The following CACNA2D3 variants were observed in gnomAD, a reference collection of about 807,000 sequenced individuals.
CACNA2D3 encodes the protein voltage-dependent calcium channel subunit alpha-2/delta-3.
Under a neutral mutation model 160.6 loss-of-function variants are expected in CACNA2D3, and 60 were observed. The ratio of observed to expected loss-of-function variants is 0.37; its 90% CI spans 0.30 to 0.46. The LOEUF (loss-of-function observed/expected upper bound fraction) is 0.46. CACNA2D3 is among the 20% of genes least tolerant of loss of function. CACNA2D3 has a pLI of 1.00. For synonymous variants in CACNA2D3, 558 were observed against 492.9 expected (o/e 1.13, Z -1.75); for missense variants, 1,205 against 1,365.0 (o/e 0.88, Z 1.85).
intron 4 of CACNA2D3, among the ~76,000 whole-genome samples, chr3:54,400,724 T>G (rs1328430076): frequency 6.6e-6 from 1 of 152,070 alleles, no homozygotes; most frequent in Admixed American, 6.5e-5. Context: ...ATTGGCACAG[T>G]AAGACCCATC....
intron 4 of CACNA2D3, among the ~76,000 whole-genome samples, chr3:54,414,010 TAAG>T (rs1699714953): frequency 2.0e-5 from 3 of 151,900 alleles, no homozygotes; most frequent in African/African-American, 7.2e-5. Flanking sequence ...CATTTACTTA[TAAG>T]ATTCATCCAT....
chr3:54,575,076 T>C (rs1160444779), intron 8 of CACNA2D3, among the ~76,000 whole-genome samples: 1 of 152,240 alleles, frequency 6.6e-6, no homozygotes, highest in Non-Finnish European at 1.5e-5. Flanking sequence ...TGTTTCAAAT[T>C]ACATAAGATG....
At chr3:54,340,949 G>A (rs148493360) in intron 3 of CACNA2D3, among the ~76,000 whole-genome samples, 1 of 152,270 alleles carries the variant, frequency 6.6e-6, no homozygotes, top group East Asian at 1.9e-4. Flanking sequence ...GATCTCGTCT[G>A]TTTCCATTTT....
At chr3:54,495,639 C>T (rs534826171) in intron 4 of CACNA2D3, among the ~76,000 whole-genome samples, 3 of 152,252 alleles carry the variant, frequency 2.0e-5, no homozygotes, top group Non-Finnish European at 4.4e-5. Context: ...ATCCCAGCCA[C>T]TTGGGAGGCT....
At chr3:54,298,944 TA>T (rs59100168) in intron 2 of CACNA2D3, among the ~76,000 whole-genome samples, 15,342 of 93,874 alleles carry the variant, frequency 0.16, 1,391 homozygotes, top group African/African-American at 0.19. Flanking sequence ...CTCTGTTTCT[TA>T]AAAAAAAAAA....
chr3:54,561,175 C>T (rs1486761468), intron 5 of CACNA2D3, among the ~76,000 whole-genome samples: 1 of 152,176 alleles, frequency 6.6e-6, no homozygotes, highest in Admixed American at 6.5e-5. Context: ...GCAGTATGAC[C>T]ATTTTAACAA....
chr3:54,275,864 G>A (rs1003638861), intron 2 of CACNA2D3, among the ~76,000 whole-genome samples: 12 of 148,220 alleles, frequency 8.1e-5, no homozygotes, highest in Non-Finnish European at 3.0e-5. Flanking sequence ...GTGATCTGCC[G>A]TGATCTGCCT....
At position 55,074,537 on chromosome 3, in the gene CACNA2D3, T is replaced by G. The variant is rs988851130; in HGVS notation, c.*331T>G. 4.8e-6 allele frequency: 1 copy of G among 208,018 alleles called. No individual in the cohort carries two copies. The highest frequency in any genetic ancestry group is 9.7e-6 in the Non-Finnish European group (1 of 103,568). The allele number at this position is 208,018 out of a possible 1,614,324, so 12.9% of individuals were successfully genotyped here. A position where few individuals can be genotyped will look rare whatever the true frequency, so the allele number is the denominator to read the frequency against. ...AATTTAAAACTGTGTACTTTTTAAA[T>G]AAAGTATATTAAAATCATAATCTCC... On this transcript the variant is annotated 3_prime_UTR_variant, in exon 38 of 38. Transcript: ENST00000474759.
At position 54,887,978 on chromosome 3, in the gene CACNA2D3, A is replaced by G. The variant is rs1202926592; in HGVS notation, c.2076A>G (p.Gln692=). 1 of 1,613,848 alleles carries G rather than the reference A, an allele frequency of 6.2e-7. No individual in the cohort carries two copies. Among genetic ancestry groups the G allele is most frequent in the African/African-American group, 1.3e-5 (1 of 74,918 alleles). Residue 692 remains glutamine, a synonymous_variant, in exon 24 of 38, where the codon CAA becomes CAG. Coordinates refer to ENST00000474759, the MANE Select transcript of CACNA2D3 (RefSeq NM_018398.3). ...CAACAGGTGATAAAGAATTGATCCAAGAAGTCCTTTTTGACGCGGTGGTGA... is the reference window on the plus strand; with the variant it reads ...CAACAGGTGATAAAGAATTGATCCAGGAAGTCCTTTTTGACGCGGTGGTGA... ...PLLQCDKELI[Q]EVLFDAVVSA... is the part of the protein sequence containing the mutation.
intron 2 of CACNA2D3, among the ~76,000 whole-genome samples, chr3:54,237,457 C>G (rs1367032734): frequency 6.6e-6 from 1 of 152,124 alleles, no homozygotes; most frequent in Non-Finnish European, 1.5e-5. Flanking sequence ...TCCTGCTAAG[C>G]TAAGTATCCA....
intron 13 of CACNA2D3, among the ~76,000 whole-genome samples, chr3:54,786,838 TA>T (rs1702651250): frequency 6.6e-6 from 1 of 152,202 alleles, no homozygotes; most frequent in African/African-American, 2.4e-5. Flanking sequence ...GCCTGCATCT[TA>T]CATATCTTTG....
intron 2 of CACNA2D3, among the ~76,000 whole-genome samples, chr3:54,288,541 A>G (rs1703095405): frequency 1.3e-5 from 2 of 152,312 alleles, no homozygotes; most frequent in Non-Finnish European, 2.9e-5. Flanking sequence ...CAATCAATAG[A>G]AAAAGAGGGA....
At chr3:54,682,554 T>C (rs1033637981) in intron 11 of CACNA2D3, among the ~76,000 whole-genome samples, 1 of 152,056 alleles carries the variant, frequency 6.6e-6, no homozygotes, top group African/African-American at 2.4e-5. Flanking sequence ...TGAGCTGCAG[T>C]GAGCTGAGAT....
chr3:54,836,336 A>C (rs1047188876), intron 14 of CACNA2D3, among the ~76,000 whole-genome samples: 6 of 149,212 alleles, frequency 4.0e-5, no homozygotes, highest in Non-Finnish European at 5.9e-5. Context: ...CCGGGTTCAC[A>C]CCATTCTCCT....
At chr3:54,835,909 T>C (rs376609804) in intron 14 of CACNA2D3, among the ~76,000 whole-genome samples, 6 of 152,318 alleles carry the variant, frequency 3.9e-5, no homozygotes, top group African/African-American at 1.4e-4. Context: ...GCTGGGCAGT[T>C]TTCTGTTTTG....
intron 2 of CACNA2D3, among the ~76,000 whole-genome samples, chr3:54,149,685 C>T (rs544233593): frequency 5.9e-5 from 9 of 152,158 alleles, no homozygotes; most frequent in South Asian, 2.1e-4. Context: ...GAACACATGA[C>T]GAGGAGCAGC....
intron 2 of CACNA2D3, among the ~76,000 whole-genome samples, chr3:54,132,277 A>G (rs1258184849): frequency 2.0e-5 from 3 of 152,262 alleles, no homozygotes; most frequent in Admixed American, 1.3e-4. Flanking sequence ...TGCTTTTATA[A>G]TACGAAATTC....
intron 27 of CACNA2D3, among the ~76,000 whole-genome samples, chr3:54,912,110 G>A (rs866130833): frequency 2.6e-5 from 4 of 152,128 alleles, no homozygotes; most frequent in Admixed American, 6.6e-5. Flanking sequence ...CTTGTGGTTT[G>A]TTGGCCAGAG....
intron 27 of CACNA2D3, among the ~76,000 whole-genome samples, chr3:54,916,564 A>G (rs1246838956): frequency 1.3e-5 from 2 of 152,206 alleles, no homozygotes; most frequent in Non-Finnish European, 2.9e-5. Context: ...TCATCTAGCA[A>G]AATTGCTGCT....
Sources: allele counts gnomAD v4.1 joint callset (sites outside exome capture counted in the v4.1 genomes callset), GRCh38; gene constraint gnomAD v4.1.1; transcripts MANE v1.5; gene names NCBI Gene and HGNC (gene_info 2026-07-23, HGNC 2026-07-21).